Variants in CLSTN2 observed in about 807,000 individuals in gnomAD.
CLSTN2 encodes the protein calsyntenin 2, also known as calsyntenin-2.
Under a neutral mutation model 101.2 loss-of-function variants are expected in CLSTN2, and 48 were observed. The ratio of observed to expected loss-of-function variants is 0.47; its 90% CI spans 0.38 to 0.60. The LOEUF is 0.60. CLSTN2 is among the 20% of genes least tolerant of loss of function. The pLI, the probability that CLSTN2 is intolerant of heterozygous loss-of-function variation, is 0.00. For synonymous variants in CLSTN2, 481 were observed against 463.6 expected, an observed-to-expected ratio of 1.04 and a Z score of -0.48; for missense variants, 1,160 against 1,238.2, an observed-to-expected ratio of 0.94 and a Z score of 0.95.
At chr3:140,413,871 A>G (rs1319048033) in intron 4 of CLSTN2, among the ~76,000 whole-genome samples, 1 of 152,160 alleles carries the variant, frequency 6.6e-6, no homozygotes, top group East Asian at 1.9e-4. Context: ...AAAATTCTCA[A>G]CAAATAATGT....
chr3:140,214,107 C>T (rs1245187809), intron 2 of CLSTN2, among the ~76,000 whole-genome samples: 1 of 151,946 alleles, frequency 6.6e-6, no homozygotes, highest in Non-Finnish European at 1.5e-5. Context: ...CTAGATTTGT[C>T]TTAGATAGGG....
chr3:140,122,259 A>G (rs1003527645), intron 1 of CLSTN2, among the ~76,000 whole-genome samples: 1 of 152,192 alleles, frequency 6.6e-6, no homozygotes, highest in Non-Finnish European at 1.5e-5. Context: ...GAACTTGTCA[A>G]TGCATCTTTA....
chr3:140,274,362 C>T (rs1301826656), intron 2 of CLSTN2, among the ~76,000 whole-genome samples: 4 of 152,196 alleles, frequency 2.6e-5, no homozygotes, highest in Non-Finnish European at 5.9e-5. Context: ...GAGGCTGGAC[C>T]AGCTCCCCAA....
chr3:140,413,909 A>C (rs1163000035), intron 4 of CLSTN2, among the ~76,000 whole-genome samples: 3 of 152,164 alleles, frequency 2.0e-5, no homozygotes, highest in Non-Finnish European at 4.4e-5. Flanking sequence ...AACACAATAA[A>C]GACTGTATAT....
chr3:140,450,921 T>G (rs1174445872), intron 6 of CLSTN2, among the ~76,000 whole-genome samples: 1 of 152,130 alleles, frequency 6.6e-6, no homozygotes, highest in Non-Finnish European at 1.5e-5. Flanking sequence ...ATGCAGTAGA[T>G]CAGAAAAATC....
intron 2 of CLSTN2, among the ~76,000 whole-genome samples, chr3:140,323,247 G>A (rs1048586178): frequency 4.6e-5 from 7 of 152,262 alleles, no homozygotes; most frequent in Admixed American, 1.3e-4. Flanking sequence ...TACGGAGGGC[G>A]TTCTGGACCA....
At chr3:139,976,717 G>A (rs1935824957) in intron 1 of CLSTN2, among the ~76,000 whole-genome samples, 1 of 152,172 alleles carries the variant, frequency 6.6e-6, no homozygotes, top group Non-Finnish European at 1.5e-5. Context: ...CCTCGGACTG[G>A]TCATCTCACC....
chr3:140,527,050 G>A (rs943339845), intron 8 of CLSTN2, among the ~76,000 whole-genome samples: 2 of 151,916 alleles, frequency 1.3e-5, no homozygotes, highest in South Asian at 2.1e-4. Flanking sequence ...CTAAGTCCCC[G>A]AAAGCAATTG....
At chr3:140,475,785 T>C (rs370915965) in intron 8 of CLSTN2, among the ~76,000 whole-genome samples, 17 of 152,348 alleles carry the variant, frequency 1.1e-4, no homozygotes, top group African/African-American at 4.1e-4. Context: ...TTTCAGGCTG[T>C]ACATCTGCCC....
At chr3:140,291,261 C>G (rs577283459) in intron 2 of CLSTN2, among the ~76,000 whole-genome samples, 1 of 152,138 alleles carries the variant, frequency 6.6e-6, no homozygotes, top group Non-Finnish European at 1.5e-5. Flanking sequence ...CTTGCGTACT[C>G]ATGGCCCCGC....
At chr3:140,418,256 A>C (rs2088452938) in intron 4 of CLSTN2, among the ~76,000 whole-genome samples, 1 of 152,170 alleles carries the variant, frequency 6.6e-6, no homozygotes, top group Non-Finnish European at 1.5e-5. Flanking sequence ...GAGTGTTACC[A>C]ACCAATACTG....
intron 2 of CLSTN2, among the ~76,000 whole-genome samples, chr3:140,320,954 G>A (rs976301562): frequency 3.3e-5 from 5 of 152,146 alleles, no homozygotes; most frequent in African/African-American, 1.2e-4. Flanking sequence ...ATAAGACCTG[G>A]AGTAACTTCA....
chr3:140,524,391 C>CATATGTGGAAGCCCACAGTG (rs1269065193), intron 8 of CLSTN2, among the ~76,000 whole-genome samples: 1 of 152,170 alleles, frequency 6.6e-6, no homozygotes, highest in African/African-American at 2.4e-5. Flanking sequence ...TATAAGAGGC[C>CATATGTGGAAGCCCACAGTG]ATATGTGGAA....
intron 1 of CLSTN2, among the ~76,000 whole-genome samples, chr3:140,044,055 A>G (rs1009897607): frequency 6.6e-6 from 1 of 152,168 alleles, no homozygotes; most frequent in Non-Finnish European, 1.5e-5. Flanking sequence ...GTTTTTTCCA[A>G]TTCTGTGAAG....
chr3:140,116,137 T>G (rs951146984), intron 1 of CLSTN2, among the ~76,000 whole-genome samples: 2 of 152,154 alleles, frequency 1.3e-5, no homozygotes, highest in African/African-American at 4.8e-5. Context: ...TTCCCAACCT[T>G]AGTCATACAC....
chr3:140,347,813 T>C (rs568536657), intron 2 of CLSTN2, among the ~76,000 whole-genome samples: 1 of 152,316 alleles, frequency 6.6e-6, no homozygotes, highest in East Asian at 1.9e-4. Flanking sequence ...TGTTAAAGAA[T>C]TTATATGTGG....
At position 140,558,814 on chromosome 3, in the gene CLSTN2, C is replaced by T. The variant is rs1359629370; in HGVS notation, c.1998C>T (p.Ser666=). 6.2e-7 allele frequency: 1 copy of T among 1,613,996 alleles called. No homozygotes were observed. Among genetic ancestry groups the T allele is most frequent in the East Asian group, 2.2e-5 (1 of 44,846 alleles). The change falls in exon 12 of 17, where the codon AGC becomes AGT. Residue 666 remains serine, a synonymous_variant. Coordinates refer to ENST00000458420, the MANE Select transcript of CLSTN2 (RefSeq NM_022131.3). ...TCTTCCCTGATATCAAGATTGTGAG[C>T]ACCTTCGCCAAAACCGAAGCCCCCG... ...VTLFPDIKIV[S]TFAKTEAPGD... is the part of the protein sequence containing the mutation.
Position 140,483,711 on chromosome 3 carries a change from C to G in CLSTN2, c.1344+16980C>G, listed in dbSNP as rs548475930. ...ACCATTATGTAATGGCCTTCTTTGTCTCTTTTGATCTTTGTTGGTTTAAAG... is the reference window on the plus strand; with the variant it reads ...ACCATTATGTAATGGCCTTCTTTGTGTCTTTTGATCTTTGTTGGTTTAAAG... On this transcript the variant is annotated intron_variant, in intron 8 of 16. Transcript: ENST00000458420. 1.1e-3 allele frequency among the ~76,000 whole-genome samples: 162 copies of G among 152,170 alleles called. 1 individual carries two copies. The highest frequency in any genetic ancestry group is 9.6e-3 in the Admixed American group (146 of 15,284).
intron 8 of CLSTN2, among the ~76,000 whole-genome samples, chr3:140,483,614 A>T (rs887788918): frequency 1.3e-5 from 2 of 152,054 alleles, no homozygotes; most frequent in African/African-American, 4.8e-5. Flanking sequence ...TTGCTTTATG[A>T]ATCTGGGTGC....
Sources: gnomAD v4.1 joint callset for allele counts (sites outside exome capture counted in the v4.1 genomes callset) on GRCh38, gnomAD v4.1.1 for gene constraint, MANE v1.5 for transcripts, NCBI Gene and HGNC (gene_info 2026-07-23, HGNC 2026-07-21) for gene names.